LIMS2: variants seen among roughly 807,000 people sequenced by gnomAD.
LIMS2 encodes LIM zinc finger domain containing 2, also known as LIM and senescent cell antigen-like-containing domain protein 2.
LIMS2 carries 30 observed loss-of-function variants against 45.3 expected under a neutral mutation model. That is an observed-to-expected ratio of 0.66 (90% CI 0.50 to 0.90). The LOEUF (loss-of-function observed/expected upper bound fraction) is 0.90. Ranked by LOEUF, LIMS2 falls within the 40% of genes least tolerant of loss-of-function variation. The probability of loss-of-function intolerance (pLI) is 0.00; values close to 1 mark genes in which losing one functional copy is unlikely to be tolerated. For missense variants in LIMS2, 485 were observed against 468.7 expected (o/e 1.03, Z -0.32); for synonymous variants, 173 against 188.0 (o/e 0.92, Z 0.65).
Position 127,642,337 on chromosome 2 carries a change from T to C in LIMS2, c.510-138A>G. 2.0e-6 allele frequency: 2 copies of C among 1,011,324 alleles called. No homozygotes were observed. Among genetic ancestry groups the C allele is most frequent in the Non-Finnish European group, 2.8e-6 (2 of 724,042 alleles). 62.6% of individuals were successfully genotyped at this position (1,011,324 alleles called of 1,614,324 possible). A position where few individuals can be genotyped will look rare whatever the true frequency, so the allele number is the denominator to read the frequency against. ...GAGCCGAGGCGGCAGCGCCTTCTGA[T>C]CTCTGGGCACTTTGAAGACTTCCTG... On this transcript the variant is annotated intron_variant, in intron 5 of 9. Coordinates refer to ENST00000355119, the MANE Select transcript of LIMS2 (RefSeq NM_001161403.3). The surrounding 1 kb of genome is among the most constrained non-coding windows in gnomAD (Gnocchi z 5.3).
rs1348981308 is a variant in LIMS2 at position 127,671,275 on chromosome 2, C to CA, written c.11+3738dup. Among the ~76,000 whole-genome samples the CA allele has an allele frequency of 6.6e-6, 1 of 151,846 alleles. No homozygotes were observed. Among genetic ancestry groups the CA allele is most frequent in the South Asian group, 2.1e-4 (1 of 4,808 alleles). ...TAAAACCCCATCTCCAATAAAAATA[C>CA]AAAAAAAATTAGCCGGTTGTGGTGG... On this transcript the variant is annotated intron_variant, in intron 1 of 9. Coordinates refer to ENST00000355119, the MANE Select transcript of LIMS2 (RefSeq NM_001161403.3). This position sits in a 1 kb window ranked among gnomAD's most constrained non-coding sequence, Gnocchi z 4.1.
rs772911552 is a variant in LIMS2 at position 127,651,116 on chromosome 2, C to G, written c.359+3308G>C. ...TCTACTTCCTCACCTGCATCAGCGC[C>G]GACCGTTTCCTGGCCATTGTGCACC... On this transcript the variant is annotated intron_variant, in intron 4 of 9. Coordinates refer to ENST00000355119, the MANE Select transcript of LIMS2 (RefSeq NM_001161403.3). 8 of 1,613,488 alleles carry G rather than the reference C, an allele frequency of 5.0e-6. No homozygotes were observed. The South Asian group carries it at 6.6e-5, about 13-fold the overall frequency.
chr2:127,642,243 T>C lies in LIMS2; in HGVS notation c.510-44A>G, dbSNP rs370224364. On this transcript the variant is annotated intron_variant, in intron 5 of 9. Coordinates refer to ENST00000355119, the MANE Select transcript of LIMS2 (RefSeq NM_001161403.3). The surrounding 1 kb of genome is among the most constrained non-coding windows in gnomAD (Gnocchi z 5.3). ...CCCCCAGGTGCCACCCCTGCCCTTC[T>C]GCAGGGTCATGCCAGCAGCGCCTCC... 369 of 1,457,438 alleles carry C rather than the reference T, an allele frequency of 2.5e-4. No homozygotes were observed. Among genetic ancestry groups the C allele is most frequent in the Non-Finnish European group, 3.3e-4 (357 of 1,097,910 alleles). The allele number at this position is 1,457,438 out of a possible 1,614,324, so 90.3% of individuals were successfully genotyped here.
chr2:127,672,784 G>T lies in LIMS2; in HGVS notation c.11+2230C>A, dbSNP rs1034041341. 6.6e-6 allele frequency among the ~76,000 whole-genome samples: 1 copy of T among 152,238 alleles called. No individual in the cohort carries two copies. The highest frequency in any genetic ancestry group is 2.4e-5 in the African/African-American group (1 of 41,456). ...CAGGTCACTTTGGTGGCTCCCCACA[G>T]CCCTCCCTCTGCTCTTGCCTGGTGA... On this transcript the variant is annotated intron_variant, in intron 1 of 9. Transcript: ENST00000355119. This position sits in a 1 kb window ranked among gnomAD's most constrained non-coding sequence, Gnocchi z 4.9.
Position 127,667,648 on chromosome 2 carries a change from C to G in LIMS2, c.11+7366G>C, listed in dbSNP as rs1685073210. Among the ~76,000 whole-genome samples, 1 of 152,206 alleles carries G rather than the reference C, an allele frequency of 6.6e-6. No individual in the cohort carries two copies. The highest frequency in any genetic ancestry group is 2.4e-5 in the African/African-American group (1 of 41,452). ...CATTTGGCAAAATCCAACATCTTTT[C>G]ATAATAAAAGCACCCAACAAACTGG... On this transcript the variant is annotated intron_variant, in intron 1 of 9. Transcript: ENST00000355119. The surrounding 1 kb of genome is among the most constrained non-coding windows in gnomAD (Gnocchi z 4.1).
intron 1 of LIMS2, 21 bp downstream of exon 1, chr2:127,674,993 G>A (rs1035211095): frequency 2.4e-6 from 3 of 1,229,464 alleles, no homozygotes; most frequent in East Asian, 3.2e-5. Context: ...CCGGCCCGGG[G>A]GCGTGGGTGG....
rs1306821427 is a variant in LIMS2, at chr2:127,664,546, C to T, written c.12-6984G>A. On this transcript the variant is annotated intron_variant, in intron 1 of 9. Coordinates refer to ENST00000355119, the MANE Select transcript of LIMS2 (RefSeq NM_001161403.3). The surrounding 1 kb of genome is among the most constrained non-coding windows in gnomAD (Gnocchi z 5.5). ...GCGCTGGTCGCGAGCTCACGTTACG[C>T]GCTGGGATCTCCAAAGGGCAGCAGA... is the stretch of plus-strand genomic sequence containing the variant. The T allele has an allele frequency of 7.0e-6, 8 of 1,150,380 alleles. No homozygotes were observed. Among genetic ancestry groups the T allele is most frequent in the Non-Finnish European group, 7.5e-6 (7 of 936,344 alleles). 71.3% of individuals were successfully genotyped at this position (1,150,380 alleles called of 1,614,324 possible).
At chr2:127,674,873 C>T (rs1478399554) in intron 1 of LIMS2, 141 bp downstream of exon 1, 3 of 1,212,216 alleles carry the variant, frequency 2.5e-6, no homozygotes, top group Admixed American at 4.3e-5. Flanking sequence ...GCGCTGCCGC[C>T]CCGGCAGCTG....
At chr2:127,673,800 G>T in intron 1 of LIMS2, 1 of 1,500,476 alleles carries the variant, frequency 6.7e-7, no homozygotes, top group South Asian at 1.2e-5. Context: ...GAGGAAAATG[G>T]GAGGCAGCCC....
chr2:127,656,095 G>A (rs1573814592), intron 2 of LIMS2: 1 of 152,226 alleles, frequency 6.6e-6, no homozygotes, highest in African/African-American at 2.4e-5. Context: ...CAGCATAGAC[G>A]ATAGTAAAGT....
chr2:127,654,591 C>G (rs1684119843), intron 3 of LIMS2, 47 bp from the exon 4 acceptor site: 9 of 1,612,596 alleles, frequency 5.6e-6, no homozygotes, highest in East Asian at 2.2e-5. Context: ...GTGCCTGTCC[C>G]CTCTTCGGAC....
intron 3 of LIMS2, 91 bp from the exon 4 acceptor site, chr2:127,654,635 G>C: frequency 6.3e-7 from 1 of 1,581,012 alleles, no homozygotes; most frequent in East Asian, 2.2e-5. Flanking sequence ...CACTCCGCCT[G>C]CTCTCTGCCT....
intron 4 of LIMS2, chr2:127,648,332 G>T: frequency 2.7e-6 from 1 of 367,168 alleles, no homozygotes; most frequent in Non-Finnish European, 3.8e-6. Flanking sequence ...AATATTATTA[G>T]GTAGTTGCCC....
Position 127,667,710 on chromosome 2 carries a change from T to G in LIMS2, c.11+7304A>C, listed in dbSNP as rs1034015416. The stretch of plus-strand genomic sequence containing the variant: ...AACTTCTTCAATTTGATAAGGGGCA[T>G]CTACCCAAAACCCATAGCTAACATC... On this transcript the variant is annotated intron_variant, in intron 1 of 9. Coordinates refer to ENST00000355119, the MANE Select transcript of LIMS2 (RefSeq NM_001161403.3). This position sits in a 1 kb window ranked among gnomAD's most constrained non-coding sequence, Gnocchi z 4.1. Among the ~76,000 whole-genome samples the G allele has an allele frequency of 3.9e-5, 6 of 152,228 alleles. No homozygotes were observed. Among genetic ancestry groups the G allele is most frequent in the Non-Finnish European group, 7.3e-5 (5 of 68,040 alleles).
At chr2:127,641,809 A>C in intron 6 of LIMS2, 1 of 468,916 alleles carries the variant, frequency 2.1e-6, no homozygotes, top group Non-Finnish European at 3.8e-6. Context: ...CAGCAGGGGG[A>C]AGAGGAGAGG....
chr2:127,668,668 CAAAAAAA>C (rs70985469), intron 1 of LIMS2, among the ~76,000 whole-genome samples: 14 of 17,262 alleles, frequency 8.1e-4, no homozygotes, highest in South Asian at 4.4e-3. Context: ...GACTCCGTCT[CAAAAAAA>C]AAAAAAAAAA....
At position 127,675,173 on chromosome 2, in the gene LIMS2, GGGGTGGGCGGGGGTGGCA is replaced by G. The variant is rs1050035199; in HGVS notation, c.-167_-150del. ...GCCAAGAGCCGCTCCGCCCGCGAGAGGGGTGGGCGGGGGTGGCAGGGTGGGGCCCGCGGGGCGGGGTGG... is the reference window on the plus strand; with the variant it reads ...GCCAAGAGCCGCTCCGCCCGCGAGAGGGGTGGGGCCCGCGGGGCGGGGTGG... On this transcript the variant is annotated 5_prime_UTR_variant, in exon 1 of 10. Transcript: ENST00000355119. 4 of 575,380 alleles carry G rather than the reference GGGGTGGGCGGGGGTGGCA, an allele frequency of 7.0e-6. No individual in the cohort carries two copies. Among genetic ancestry groups the G allele is most frequent in the Non-Finnish European group, 1.0e-5 (4 of 393,812 alleles). 35.6% of individuals were successfully genotyped at this position (575,380 alleles called of 1,614,324 possible). A position where few individuals can be genotyped will look rare whatever the true frequency, so the allele number is the denominator to read the frequency against.
chr2:127,674,985 G>C, intron 1 of LIMS2, 29 bp downstream of exon 1: 5 of 1,228,974 alleles, frequency 4.1e-6, no homozygotes, highest in Non-Finnish European at 5.1e-6. Flanking sequence ...CCGCCTCCCC[G>C]GCCCGGGGGC....
chr2:127,642,601 C>T lies in LIMS2; in HGVS notation c.509+322G>A, dbSNP rs1274601456. 10 of 401,644 alleles carry T rather than the reference C, an allele frequency of 2.5e-5. No homozygotes were observed. The highest frequency in any genetic ancestry group is 6.1e-5 in the African/African-American group (3 of 49,408). The allele number at this position is 401,644 out of a possible 1,614,324, so 24.9% of individuals were successfully genotyped here. A position where few individuals can be genotyped will look rare whatever the true frequency, so the allele number is the denominator to read the frequency against. On this transcript the variant is annotated intron_variant, in intron 5 of 9. Transcript: ENST00000355119. The surrounding 1 kb of genome is among the most constrained non-coding windows in gnomAD (Gnocchi z 5.3). ...CCAACACCAGCACCAAGCCCACTCC[C>T]GGTCTCTTGCCCTGCCCCCTCAGGT...
Sources: allele counts gnomAD v4.1 joint callset (sites outside exome capture counted in the v4.1 genomes callset), GRCh38; gene constraint gnomAD v4.1.1; non-coding constraint Gnocchi (gnomAD v3.1); transcripts MANE v1.5; gene names NCBI Gene and HGNC (gene_info 2026-07-23, HGNC 2026-07-21).